VARS2: variants seen among roughly 807,000 people sequenced by gnomAD.
VARS2 encodes the protein valyl-tRNA synthetase 2, mitochondrial.
VARS2 carries 105 observed loss-of-function variants against 154.1 expected under a neutral mutation model. The observed-to-expected ratio is 0.68, with a 90% CI of 0.58 to 0.80. The LOEUF is 0.80. VARS2 is among the 30% of genes least tolerant of loss of function. The pLI is 0.00. For missense variants in VARS2, 1,157 were observed against 1,361.4 expected (o/e 0.85, Z 2.36); for synonymous variants, 483 against 539.5 (o/e 0.90, Z 1.45).
Position 30,914,768 on chromosome 6 carries a change from C to T in VARS2, c.-27-42C>T. 3.2e-6 allele frequency: 5 copies of T among 1,554,498 alleles called. No homozygotes were observed. The African/African-American group carries it at 5.4e-5, about 17-fold the overall frequency. ...ATGGAACAAGGGGAGTGACCCTTCT[C>T]CACCCCCATATCCTAATGTGCTCTC... is the stretch of plus-strand genomic sequence containing the variant. On this transcript the variant is annotated intron_variant, in intron 1 of 29. Transcript: ENST00000676266.
chr6:30,921,831 T>C lies in VARS2; in HGVS notation c.1736-94T>C. 6.4e-7 allele frequency: 1 copy of C among 1,570,672 alleles called. No homozygotes were observed. Among genetic ancestry groups the C allele is most frequent in the South Asian group, 1.1e-5 (1 of 89,280 alleles). On this transcript the variant is annotated intron_variant, in intron 18 of 29. Coordinates refer to ENST00000676266, the MANE Select transcript of VARS2 (RefSeq NM_020442.6). The surrounding 1 kb of genome is among the most constrained non-coding windows in gnomAD (Gnocchi z 4.6). ...AGCCAAAGGGGACAGCCCTGGTCTC[T>C]GGGGGTGGGGGTTGGCCTAGAATGG... is the stretch of plus-strand genomic sequence containing the variant.
rs1376981935 is a variant in VARS2, at chr6:30,919,470, C to A, written c.1075-288C>A. On this transcript the variant is annotated intron_variant, in intron 11 of 29. Coordinates refer to ENST00000676266, the MANE Select transcript of VARS2 (RefSeq NM_020442.6). The surrounding 1 kb of genome is among the most constrained non-coding windows in gnomAD (Gnocchi z 4.5). ...AAAGTGCTGGGATTACAGGCGTGAG[C>A]CGCCGCGCCTGGCTGCTTGCAGCCT... 6.8e-6 allele frequency: 2 copies of A among 292,580 alleles called. No individual in the cohort carries two copies. The highest frequency in any genetic ancestry group is 1.1e-4 in the East Asian group (2 of 17,432). The allele number at this position is 292,580 out of a possible 1,614,324, so 18.1% of individuals were successfully genotyped here. A position where few individuals can be genotyped will look rare whatever the true frequency, so the allele number is the denominator to read the frequency against.
In VARS2 at chr6:30,919,867, A is replaced by T; in HGVS notation, c.1165+19A>T. ...GGCACGGGTGAGTGGAAGTCAGGGG[A>T]GGGAGAGAAAGTTGGGGGTCCTGGA... is the stretch of plus-strand genomic sequence containing the variant. On this transcript the variant is annotated intron_variant, in intron 12 of 29. Transcript: ENST00000676266. The surrounding 1 kb of genome is among the most constrained non-coding windows in gnomAD (Gnocchi z 4.5). 6.5e-7 allele frequency: 1 copy of T among 1,536,578 alleles called. No homozygotes were observed. The highest frequency in any genetic ancestry group is 1.2e-5 in the South Asian group (1 of 80,628).
Position 30,922,913 on chromosome 6 carries a change from C to G in VARS2, c.2122C>G (p.His708Asp). 1 of 1,607,782 alleles carries G rather than the reference C, an allele frequency of 6.2e-7. No individual in the cohort carries two copies. Among genetic ancestry groups the G allele is most frequent in the Non-Finnish European group, 8.5e-7 (1 of 1,176,454 alleles). The change falls in exon 23 of 30, where the codon CAC (histidine) becomes GAC (aspartate). Residue 708 changes from histidine (H) to aspartate (D), a missense_variant. By Grantham distance (81) the His-to-Asp change is moderately conservative. Transcript: ENST00000676266. ...VAAAQKKDFP[H>D]GIPECGTDAL... is the part of the protein sequence containing the mutation. ...CTGGTTGCAGAAAAAGGACTTTCCT[C>G]ACGGGATCCCTGAGTGTGGGACAGA...
In VARS2 at chr6:30,916,207, G is replaced by A. The variant is rs1402354659; in HGVS notation, c.629G>A (p.Ser210Asn). Residue 210 changes from serine (S) to asparagine (N), a missense_variant, in exon 7 of 30, where the codon AGC becomes AAC. Transcript: ENST00000676266. This position sits in a 1 kb window ranked among gnomAD's most constrained non-coding sequence, Gnocchi z 4.0. Reference protein sequence around the residue: ...KERGVRRHELSREAFLREVWQ... With the variant: ...KERGVRRHELNREAFLREVWQ... ...CGGGGAGTGAGGAGACATGAGCTGA[G>A]CCGGGAGGCCTTCCTTAGGGAGGTG... 6.2e-7 allele frequency: 1 copy of A among 1,613,886 alleles called. No individual in the cohort carries two copies. Among genetic ancestry groups the A allele is most frequent in the African/African-American group, 1.3e-5 (1 of 75,004 alleles).
chr6:30,923,671 TGGCAGTGCAGC>T, intron 25 of VARS2, 166 bp downstream of exon 25: 6 of 1,052,340 alleles, frequency 5.7e-6, no homozygotes, highest in African/African-American at 1.6e-5. Flanking sequence ...GGACTGGTTT[TGGCAGTGCAGC>T]CCAGGCACTG....
Position 30,923,289 on chromosome 6 carries a change from G to A in VARS2, c.2313+58G>A, listed in dbSNP as rs1039026139. ...TAGTCAGGTGTCAGAGGGCCAAGGT[G>A]GCATCTGGAAGGAAAGGAGGCAGGG... On this transcript the variant is annotated intron_variant, in intron 24 of 29. Transcript: ENST00000676266. 65 of 1,607,738 alleles carry A rather than the reference G, an allele frequency of 4.0e-5. No homozygotes were observed. The South Asian group carries it at 6.0e-4, about 15-fold the overall frequency.
rs898146687 is a variant in VARS2 at position 30,917,341 on chromosome 6, C to T, written c.873+117C>T. The T allele has an allele frequency of 7.8e-6, 12 of 1,528,752 alleles. No homozygotes were observed. In the Admixed American group the frequency reaches 1.0e-4, roughly 13 times the overall value. 94.7% of individuals were successfully genotyped at this position (1,528,752 alleles called of 1,614,324 possible). ...ATTCAAATCTGATGCCTGCCTGTTACAGCTGTGTGGCTTTTGGCAGGCCGT... is the reference window on the plus strand; with the variant it reads ...ATTCAAATCTGATGCCTGCCTGTTATAGCTGTGTGGCTTTTGGCAGGCCGT... On this transcript the variant is annotated intron_variant, in intron 9 of 29. Transcript: ENST00000676266. This position sits in a 1 kb window ranked among gnomAD's most constrained non-coding sequence, Gnocchi z 4.4.
At position 30,921,607 on chromosome 6, in the gene VARS2, G is replaced by A. The variant is rs772808993; in HGVS notation, c.1651G>A (p.Val551Met). The A allele has an allele frequency of 1.9e-6, 3 of 1,607,606 alleles. No individual in the cohort carries two copies. Among genetic ancestry groups the A allele is most frequent in the Non-Finnish European group, 2.5e-6 (3 of 1,178,528 alleles). The change falls in exon 18 of 30, where the codon GTG (valine) becomes ATG (methionine). Residue 551 changes from valine to methionine, a missense_variant. Physicochemically the swap from Val to Met is conservative, Grantham distance 21 (BLOSUM62 1). Transcript: ENST00000676266. This position sits in a 1 kb window ranked among gnomAD's most constrained non-coding sequence, Gnocchi z 4.6. ...TTTGCAGGGAGAAGAGGACTGTTGG[G>A]TGGTTGGGCGGTCAGAGGCTGAGGC... is the stretch of plus-strand genomic sequence containing the variant. ...DHAQGEEDCW[V>M]VGRSEAEARE...
rs1794329403 is a variant in VARS2 at position 30,918,810 on chromosome 6, TA to T, written c.986-14del. Reference sequence around the variant, plus strand: ...AGGATGATGACCAGCTGTAAGTGTTTAAATGTTTATCTTCAGATGCAGAGGT... The same window carrying T: ...AGGATGATGACCAGCTGTAAGTGTTTAATGTTTATCTTCAGATGCAGAGGT... On this transcript the variant is annotated splice_polypyrimidine_tract_variant and intron_variant, in intron 10 of 29. Transcript: ENST00000676266. 1 of 1,611,844 alleles carries T rather than the reference TA, an allele frequency of 6.2e-7. No individual in the cohort carries two copies. Among genetic ancestry groups the T allele is most frequent in the South Asian group, 1.1e-5 (1 of 91,042 alleles).
In VARS2 at chr6:30,916,701, T is replaced by C. The variant is rs1794199574; in HGVS notation, c.672-177T>C. The stretch of plus-strand genomic sequence containing the variant: ...ATAGAATCTTTTGCCTCTTTTAATA[T>C]CTTAGAAAACCCCATACTGGGTTTG... On this transcript the variant is annotated intron_variant, in intron 7 of 29. Coordinates refer to ENST00000676266, the MANE Select transcript of VARS2 (RefSeq NM_020442.6). The surrounding 1 kb of genome is among the most constrained non-coding windows in gnomAD (Gnocchi z 4.0). 9 of 635,854 alleles carry C rather than the reference T, an allele frequency of 1.4e-5. No individual in the cohort carries two copies. The South Asian group carries it at 1.8e-4, about 12-fold the overall frequency. 39.4% of individuals were successfully genotyped at this position (635,854 alleles called of 1,614,324 possible).
rs944776349 is a variant in VARS2 at position 30,923,231 on chromosome 6, G to A, written c.2313G>A (p.Glu771=). Residue 771 remains glutamate (E), a splice_region_variant and synonymous_variant, in exon 24 of 30, where the codon GAG becomes GAA. Coordinates refer to ENST00000676266, the MANE Select transcript of VARS2 (RefSeq NM_020442.6). ...AATTTGTGCCACAGCCTGCTGAGGA[G>A]GTAAGAGAAAACAGAGGTGCTTGGG... ...GEKFVPQPAE[E]LSPSSPMDAW... is the part of the protein sequence containing the mutation. 5 of 1,613,134 alleles carry A rather than the reference G, an allele frequency of 3.1e-6. No individual in the cohort carries two copies. The highest frequency in any genetic ancestry group is 2.2e-5 in the South Asian group (2 of 91,092).
intron 1 of VARS2, 155 bp downstream of exon 1, chr6:30,914,499 C>A (rs1582167279): frequency 7.5e-7 from 1 of 1,333,026 alleles, no homozygotes. Flanking sequence ...TGGCGGGACT[C>A]CTTGCTGGCT....
At position 30,916,472 on chromosome 6, in the gene VARS2, G is replaced by GTA. The variant is rs1318794189; in HGVS notation, c.671+224_671+225insAT. 4 of 360,270 alleles carry GTA rather than the reference G, an allele frequency of 1.1e-5. No homozygotes were observed. The highest frequency in any genetic ancestry group is 1.9e-5 in the Non-Finnish European group (4 of 212,576). 22.3% of individuals were successfully genotyped at this position (360,270 alleles called of 1,614,324 possible). On this transcript the variant is annotated intron_variant, in intron 7 of 29. Transcript: ENST00000676266. The surrounding 1 kb of genome is among the most constrained non-coding windows in gnomAD (Gnocchi z 4.0). Reference sequence around the variant, plus strand: ...AATATTCGTGTGTGTGTGTGTGTGTGTGTGTATTTATATATATATATATAT... The same window carrying GTA: ...AATATTCGTGTGTGTGTGTGTGTGTGTATGTGTATTTATATATATATATATAT...
chr6:30,923,995 A>C, intron 25 of VARS2: 4 of 392,948 alleles, frequency 1.0e-5, no homozygotes, highest in Non-Finnish European at 1.4e-5. Context: ...GGTGTAATGA[A>C]TATTCATTTC....
At chr6:30,918,773 C>A in intron 10 of VARS2, 54 bp from the exon 11 acceptor site, 1 of 1,474,196 alleles carries the variant, frequency 6.8e-7, no homozygotes. Flanking sequence ...GCTATGTTGG[C>A]AGTGAGAGGT....
In VARS2 at chr6:30,915,830, G is replaced by A. The variant is rs758010983; in HGVS notation, c.469G>A (p.Ala157Thr). The A allele has an allele frequency of 6.1e-5, 99 of 1,613,926 alleles. No individual in the cohort carries two copies. The highest frequency in any genetic ancestry group is 7.6e-5 in the Non-Finnish European group (90 of 1,180,028). Reference protein sequence around the residue: ...NVTGSLHIGHALTVAIQDALV... With the variant: ...NVTGSLHIGHTLTVAIQDALV... ...CACTGGCTCCCTGCACATTGGCCAC[G>A]CACTCACGGTGGCCATACAGGATGC... The change falls in exon 5 of 30, where the codon GCA (alanine) becomes ACA (threonine). Residue 157 changes from alanine to threonine, a missense_variant. Transcript: ENST00000676266.
At position 30,922,785 on chromosome 6, in the gene VARS2, G is replaced by T; in HGVS notation, c.2106+11G>T. Reference sequence around the variant, plus strand: ...GTGGCTGCAGCACAGGTGAGTCATCGCTGCCTGCCCCCCACCAGCTCTAGC... The same window carrying T: ...GTGGCTGCAGCACAGGTGAGTCATCTCTGCCTGCCCCCCACCAGCTCTAGC... On this transcript the variant is annotated intron_variant, in intron 22 of 29. Coordinates refer to ENST00000676266, the MANE Select transcript of VARS2 (RefSeq NM_020442.6). 6.2e-7 allele frequency: 1 copy of T among 1,603,762 alleles called. No homozygotes were observed. The highest frequency in any genetic ancestry group is 8.5e-7 in the Non-Finnish European group (1 of 1,173,780).
Position 30,920,387 on chromosome 6 carries a change from G to A in VARS2, c.1348G>A (p.Gly450Ser), listed in dbSNP as rs1473820705. Residue 450 changes from glycine (G) to serine (S), a missense_variant, in exon 14 of 30, where the codon GGC becomes AGC. Transcript: ENST00000676266. This position sits in a 1 kb window ranked among gnomAD's most constrained non-coding sequence, Gnocchi z 4.6. Reference protein sequence around the residue: ...EKIMSVLSEWGLFRGLQNHPM... With the variant: ...EKIMSVLSEWSLFRGLQNHPM... ...GATAATGTCTGTGCTGAGTGAATGG[G>A]GCCTGTTCCGGGGCCTCCAGAACCA... 6.2e-7 allele frequency: 1 copy of A among 1,612,790 alleles called. No homozygotes were observed. Among genetic ancestry groups the A allele is most frequent in the Non-Finnish European group, 8.5e-7 (1 of 1,179,400 alleles).
Sources: gnomAD v4.1 joint callset for allele counts on GRCh38, gnomAD v4.1.1 for gene constraint, Gnocchi (gnomAD v3.1) non-coding constraint, MANE v1.5 for transcripts, NCBI Gene and HGNC (gene_info 2026-07-23, HGNC 2026-07-21) for gene names.